Variants in TDP1 observed in about 807,000 individuals in gnomAD.
The protein encoded by TDP1 is tyrosyl-DNA phosphodiesterase 1.
Under a neutral mutation model 81.5 loss-of-function variants are expected in TDP1, and 64 were observed. That is an observed-to-expected ratio of 0.79 (90% CI 0.64 to 0.97). TDP1 has a LOEUF of 0.97. Ranked by LOEUF, TDP1 falls within the 50% of genes least tolerant of loss-of-function variation. TDP1 has a pLI of 0.00. For missense variants in TDP1, 723 were observed against 743.8 expected (o/e 0.97, Z 0.33); for synonymous variants, 256 against 264.3 (o/e 0.97, Z 0.30).
At chr14:89,989,394 T>C (rs560205670) in intron 11 of TDP1, 12 of 985,214 alleles carry the variant, frequency 1.2e-5, no homozygotes, top group African/African-American at 1.7e-5. Flanking sequence ...GTAGAAAATA[T>C]TTGATGTAGC....
intron 7 of TDP1, among the ~76,000 whole-genome samples, chr14:89,976,890 A>G (rs1894402886): frequency 6.6e-6 from 1 of 152,146 alleles, no homozygotes; most frequent in South Asian, 2.1e-4. Flanking sequence ...GCTGTGGCTC[A>G]TGCCTGTAAT....
intron 15 of TDP1, among the ~76,000 whole-genome samples, chr14:90,028,569 G>A (rs541077011): frequency 4.6e-5 from 7 of 152,218 alleles, no homozygotes; most frequent in Non-Finnish European, 7.3e-5. Flanking sequence ...AAGTATCTGT[G>A]CCTGGGAGGG....
At chr14:90,019,764 A>G (rs1885748239) in intron 15 of TDP1, among the ~76,000 whole-genome samples, 1 of 152,190 alleles carries the variant, frequency 6.6e-6, no homozygotes, top group Admixed American at 6.5e-5. Context: ...CCAATCAAGC[A>G]CAAGTTGTTT....
chr14:89,956,257 A>G (rs904085382), intron 1 of TDP1: 2 of 152,308 alleles, frequency 1.3e-5, no homozygotes, highest in Non-Finnish European at 2.9e-5. Flanking sequence ...TCGGGTTTTT[A>G]TTCCCAGACC....
intron 14 of TDP1, among the ~76,000 whole-genome samples, chr14:89,994,241 T>A (rs1896473714): frequency 6.6e-6 from 1 of 152,146 alleles, no homozygotes; most frequent in Non-Finnish European, 1.5e-5. Context: ...ATGAACAAAC[T>A]TTTAAACAAA....
chr14:90,004,406 A>G (rs901167421), intron 14 of TDP1, among the ~76,000 whole-genome samples: 3 of 152,234 alleles, frequency 2.0e-5, no homozygotes, highest in African/African-American at 7.2e-5. Context: ...AAATACTTGT[A>G]TGGTGCTTAC....
intron 14 of TDP1, among the ~76,000 whole-genome samples, chr14:89,997,163 G>A (rs1197003728): frequency 6.6e-6 from 1 of 152,138 alleles, no homozygotes; most frequent in East Asian, 1.9e-4. Flanking sequence ...TGCATTGTCA[G>A]CGTTCTTTCC....
chr14:90,040,750 A>C (rs1226762970), intron 16 of TDP1, among the ~76,000 whole-genome samples: 1 of 152,248 alleles, frequency 6.6e-6, no homozygotes, highest in East Asian at 1.9e-4. Context: ...ATTAATGCTG[A>C]TTTCCAGGAG....
chr14:89,985,751 A>C (rs1165064532), intron 10 of TDP1, among the ~76,000 whole-genome samples: 1 of 152,174 alleles, frequency 6.6e-6, no homozygotes, highest in African/African-American at 2.4e-5. Flanking sequence ...TTCCCTGGCC[A>C]GGTGTGGTGG....
chr14:90,003,887 G>A (rs902733423), intron 14 of TDP1, among the ~76,000 whole-genome samples: 1 of 152,132 alleles, frequency 6.6e-6, no homozygotes, highest in African/African-American at 2.4e-5. Context: ...TCTAATGTCT[G>A]TTGCTTTGAT....
At position 89,966,144 on chromosome 14, in the gene TDP1, CA is replaced by C. The variant is rs768948189; in HGVS notation, c.560-2del. The C allele has an allele frequency of 8.8e-6, 14 of 1,592,476 alleles. No individual in the cohort carries two copies. Among genetic ancestry groups the C allele is most frequent in the Non-Finnish European group, 1.0e-5 (12 of 1,160,610 alleles). On this transcript the variant is annotated splice_acceptor_variant, in intron 3 of 16. Coordinates refer to ENST00000335725, the MANE Select transcript of TDP1 (RefSeq NM_018319.4). LOFTEE classifies it high-confidence loss of function. ...GAATTTGATATATGTTTTGTCTTCT[CA>C]GATATTTTATCTCCTTTATTTGGGA...
At chr14:89,982,063 C>A (rs1046814386) in intron 8 of TDP1, among the ~76,000 whole-genome samples, 12 of 152,172 alleles carry the variant, frequency 7.9e-5, no homozygotes, top group African/African-American at 2.7e-4. Context: ...ATCTCCCTCC[C>A]TTAAAGCAGT....
intron 15 of TDP1, among the ~76,000 whole-genome samples, chr14:90,019,746 G>A (rs562283038): frequency 2.6e-5 from 4 of 152,302 alleles, no homozygotes; most frequent in African/African-American, 9.6e-5. Flanking sequence ...AGTCACCAAA[G>A]GAATGGCCCA....
At chr14:89,990,547 C>CT (rs34248681) in intron 12 of TDP1, among the ~76,000 whole-genome samples, 1,738 of 102,282 alleles carry the variant, frequency 0.017, 40 homozygotes, top group African/African-American at 0.04. Flanking sequence ...TGTATTAGCC[C>CT]TTTTTTTTTT....
chr14:89,998,902 G>A (rs1362477502), intron 14 of TDP1, among the ~76,000 whole-genome samples: 1 of 152,030 alleles, frequency 6.6e-6, no homozygotes, highest in Non-Finnish European at 1.5e-5. Flanking sequence ...TGATGTCTCC[G>A]GGGTTGCCTG....
At chr14:89,959,613 T>C (rs527389151) in intron 2 of TDP1, among the ~76,000 whole-genome samples, 1 of 152,212 alleles carries the variant, frequency 6.6e-6, no homozygotes, top group Non-Finnish European at 1.5e-5. Flanking sequence ...TCCAAAACTT[T>C]ATAGAGCAGA....
chr14:89,956,316 C>T (rs984728960), intron 1 of TDP1: 1 of 152,312 alleles, frequency 6.6e-6, no homozygotes, highest in African/African-American at 2.4e-5. Context: ...AAGCGCCCAC[C>T]ACGTGCCAGG....
intron 14 of TDP1, among the ~76,000 whole-genome samples, chr14:89,994,513 C>G (rs1896498069): frequency 6.6e-6 from 1 of 152,196 alleles, no homozygotes; most frequent in African/African-American, 2.4e-5. Flanking sequence ...GATTCTGTTT[C>G]AAGGGCATTA....
chr14:90,033,364 G>A (rs1337979443), intron 16 of TDP1, 150 bp downstream of exon 16: 1 of 698,896 alleles, frequency 1.4e-6, no homozygotes, highest in South Asian at 1.5e-5. Flanking sequence ...GCCTGTCTGG[G>A]GCCTTGTAGC....
Sources: gnomAD v4.1 joint callset for allele counts (sites outside exome capture counted in the v4.1 genomes callset) on GRCh38, gnomAD v4.1.1 for gene constraint, MANE v1.5 for transcripts, NCBI Gene and HGNC (gene_info 2026-07-23, HGNC 2026-07-21) for gene names.